FBXL17: variants seen among roughly 807,000 people sequenced by gnomAD.
FBXL17 encodes F-box and leucine rich repeat protein 17, also known as F-box/LRR-repeat protein 17.
Under a neutral mutation model 66.2 loss-of-function variants are expected in FBXL17, and 22 were observed. The observed-to-expected ratio is 0.33, with a 90% CI of 0.24 to 0.47. The LOEUF (loss-of-function observed/expected upper bound fraction) is 0.47. FBXL17 is among the 20% of genes least tolerant of loss of function. The pLI is 1.00. For missense variants in FBXL17, 878 were observed against 948.2 expected, an observed-to-expected ratio of 0.93 and a Z score of 0.97; for synonymous variants, 474 against 400.5, an observed-to-expected ratio of 1.18 and a Z score of -2.19.
At chr5:108,007,469 T>C (rs1170066141) in intron 7 of FBXL17, among the ~76,000 whole-genome samples, 2 of 151,996 alleles carry the variant, frequency 1.3e-5, no homozygotes, top group African/African-American at 4.8e-5. Flanking sequence ...AATGTAATAG[T>C]CCAAAAATAC....
chr5:108,298,025 A>C (rs1758419267), intron 4 of FBXL17: 1 of 984,640 alleles, frequency 1.0e-6, no homozygotes, highest in African/African-American at 1.7e-5. Context: ...AAAGCAATGC[A>C]ATTACTTCTG....
chr5:108,223,074 A>G (rs1754941935), intron 5 of FBXL17, among the ~76,000 whole-genome samples: 1 of 152,124 alleles, frequency 6.6e-6, no homozygotes, highest in Non-Finnish European at 1.5e-5. Flanking sequence ...TTAATACCCT[A>G]AAAAATAATT....
At chr5:108,168,315 A>G (rs1313701525) in intron 6 of FBXL17, among the ~76,000 whole-genome samples, 1 of 152,184 alleles carries the variant, frequency 6.6e-6, no homozygotes, top group Non-Finnish European at 1.5e-5. Context: ...GGGAAGGGTG[A>G]TCTCATGGAG....
intron 6 of FBXL17, among the ~76,000 whole-genome samples, chr5:108,021,985 T>A (rs1489012834): frequency 6.6e-6 from 1 of 151,898 alleles, no homozygotes; most frequent in African/African-American, 2.4e-5. Flanking sequence ...TTTCCTATAT[T>A]TTATTTGCTG....
intron 3 of FBXL17, among the ~76,000 whole-genome samples, chr5:108,360,785 T>C (rs967039681): frequency 1.3e-5 from 2 of 152,064 alleles, no homozygotes; most frequent in African/African-American, 2.4e-5. Flanking sequence ...TTCACTCTTT[T>C]TTCTTTCTCT....
chr5:108,344,271 GCAGT>G (rs1485779851), intron 4 of FBXL17, among the ~76,000 whole-genome samples: 2 of 152,064 alleles, frequency 1.3e-5, no homozygotes, highest in Non-Finnish European at 2.9e-5. Context: ...TGTTACAGCA[GCAGT>G]CAAAGGACTC....
chr5:108,378,881 A>C (rs1354739519), intron 1 of FBXL17, among the ~76,000 whole-genome samples: 1 of 152,216 alleles, frequency 6.6e-6, no homozygotes, highest in Non-Finnish European at 1.5e-5. Flanking sequence ...CGCTAATTCA[A>C]TTCATCCCAG....
At chr5:108,180,411 C>T (rs1377540633) in intron 6 of FBXL17, among the ~76,000 whole-genome samples, 1 of 151,878 alleles carries the variant, frequency 6.6e-6, no homozygotes, top group East Asian at 1.9e-4. Flanking sequence ...GAGGCTGAGG[C>T]AGGAGAATCA....
chr5:108,102,624 G>A (rs1198824658), intron 6 of FBXL17, among the ~76,000 whole-genome samples: 1 of 152,172 alleles, frequency 6.6e-6, no homozygotes, highest in Admixed American at 6.5e-5. Context: ...CCAGACCACA[G>A]CAACTGTGTT....
intron 6 of FBXL17, among the ~76,000 whole-genome samples, chr5:108,146,149 G>A (rs1751548033): frequency 6.6e-6 from 1 of 151,760 alleles, no homozygotes; most frequent in Admixed American, 6.6e-5. Flanking sequence ...GGAGAATGGC[G>A]TGAATCCGAG....
intron 5 of FBXL17, among the ~76,000 whole-genome samples, chr5:108,205,511 C>T (rs539503961): frequency 6.6e-6 from 1 of 152,226 alleles, no homozygotes; most frequent in Admixed American, 6.5e-5. Context: ...AGCAAAATCT[C>T]CACATCACAT....
intron 5 of FBXL17, among the ~76,000 whole-genome samples, chr5:108,204,847 A>G (rs1466368893): frequency 6.6e-6 from 1 of 152,152 alleles, no homozygotes; most frequent in Non-Finnish European, 1.5e-5. Flanking sequence ...ATATATAAAC[A>G]AAAGTATTGA....
intron 7 of FBXL17, among the ~76,000 whole-genome samples, chr5:107,882,543 G>C (rs188888795): frequency 2.1e-3 from 318 of 152,194 alleles, no homozygotes; most frequent in Non-Finnish European, 3.0e-3. Flanking sequence ...TTTCATCTTT[G>C]TGCATGCTGT....
At chr5:107,908,533 A>C (rs944348740) in intron 7 of FBXL17, among the ~76,000 whole-genome samples, 17 of 152,204 alleles carry the variant, frequency 1.1e-4, no homozygotes. Flanking sequence ...AAAAACTGAG[A>C]TATGTGGCCA....
intron 4 of FBXL17, among the ~76,000 whole-genome samples, chr5:108,320,582 T>C (rs985397162): frequency 1.3e-5 from 2 of 151,812 alleles, no homozygotes; most frequent in African/African-American, 2.4e-5. Flanking sequence ...GTTAGGACTT[T>C]AAATGTTTTG....
At chr5:108,094,013 A>C (rs956422625) in intron 6 of FBXL17, among the ~76,000 whole-genome samples, 1 of 152,276 alleles carries the variant, frequency 6.6e-6, no homozygotes, top group South Asian at 2.1e-4. Context: ...GATGTTCTAA[A>C]ATAATAGCAT....
chr5:108,307,624 T>C (rs1250204367), intron 4 of FBXL17, among the ~76,000 whole-genome samples: 1 of 152,056 alleles, frequency 6.6e-6, no homozygotes, highest in Non-Finnish European at 1.5e-5. Context: ...TTTTTTGTTG[T>C]ATACCATATC....
intron 7 of FBXL17, among the ~76,000 whole-genome samples, chr5:107,981,506 A>T (rs1752826610): frequency 1.3e-5 from 2 of 152,158 alleles, no homozygotes. Flanking sequence ...GTGGGAAGCT[A>T]CTCAGTCAGG....
At chr5:108,086,394 T>C (rs534538782) in intron 6 of FBXL17, among the ~76,000 whole-genome samples, 3 of 152,316 alleles carry the variant, frequency 2.0e-5, no homozygotes, top group East Asian at 1.9e-4. Flanking sequence ...CATTTCTACA[T>C]AGCTGTCTAT....
Sources: gnomAD v4.1 joint callset for allele counts (sites outside exome capture counted in the v4.1 genomes callset) on GRCh38, gnomAD v4.1.1 for gene constraint, MANE v1.5 for transcripts, NCBI Gene and HGNC (gene_info 2026-07-23, HGNC 2026-07-21) for gene names.